The following CIDEC variants were observed in gnomAD, a reference collection of about 807,000 sequenced individuals.
CIDEC encodes the protein lipid transferase CIDEC.
A neutral mutation model predicts 21.9 loss-of-function variants in CIDEC; 11 were observed. The observed-to-expected ratio is 0.50, with a 90% CI of 0.32 to 0.83. The LOEUF (loss-of-function observed/expected upper bound fraction) is 0.83, where lower values mean the gene tolerates loss of function less well. Ranked by LOEUF, CIDEC falls within the 40% of genes least tolerant of loss-of-function variation. CIDEC has a pLI of 0.04. For missense variants in CIDEC, 302 were observed against 302.3 expected, an observed-to-expected ratio of 1.00 and a Z score of 0.01; for synonymous variants, 127 against 124.9, an observed-to-expected ratio of 1.02 and a Z score of -0.11.
At chr3:9,874,423 G>A (rs2082391873) in intron 4 of CIDEC, among the ~76,000 whole-genome samples, 3 of 151,876 alleles carry the variant, frequency 2.0e-5, no homozygotes, top group African/African-American at 7.3e-5. Context: ...GGCTGAGGTG[G>A]CAGGATCACT....
At chr3:9,878,897 G>T in intron 2 of CIDEC, 45 bp downstream of exon 2, 1 of 1,323,690 alleles carries the variant, frequency 7.6e-7, no homozygotes, top group Non-Finnish European at 1.0e-6. Flanking sequence ...ACGCTGGCAG[G>T]AGGTGAGTCA....
chr3:9,879,848 GT>G (rs2082481401), intron 1 of CIDEC, among the ~76,000 whole-genome samples: 3 of 152,146 alleles, frequency 2.0e-5, no homozygotes, highest in Non-Finnish European at 4.4e-5. Flanking sequence ...TAGCCCCTCA[GT>G]CCCTGGATGC....
At position 9,878,954 on chromosome 3, in the gene CIDEC, G is replaced by T; in HGVS notation, c.-38C>A. Reference sequence around the variant, plus strand: ...ACCGTTCCCTCACCTCTAGTCCAGAGACCTCACAGGCAGGCAGCCCAGTCA... The same window carrying T: ...ACCGTTCCCTCACCTCTAGTCCAGATACCTCACAGGCAGGCAGCCCAGTCA... On this transcript the variant is annotated 5_prime_UTR_variant, in exon 2 of 7. Coordinates refer to ENST00000336832, the MANE Select transcript of CIDEC (RefSeq NM_001321142.2). 1 of 763,632 alleles carries T rather than the reference G, an allele frequency of 1.3e-6. No individual in the cohort carries two copies. 47.3% of individuals were successfully genotyped at this position (763,632 alleles called of 1,614,324 possible). A position where few individuals can be genotyped will look rare whatever the true frequency, so the allele number is the denominator to read the frequency against.
At chr3:9,867,947 TAATA>T (rs1005783372) in intron 6 of CIDEC, among the ~76,000 whole-genome samples, 80 of 151,972 alleles carry the variant, frequency 5.3e-4, no homozygotes, top group Non-Finnish European at 1.5e-4. Flanking sequence ...AATAAATACA[TAATA>T]AATAAAAACA....
rs1486754702 is a variant in CIDEC, at chr3:9,878,415, T to G, written c.53+19A>C. 1 of 1,588,598 alleles carries G rather than the reference T, an allele frequency of 6.3e-7. No individual in the cohort carries two copies. The highest frequency in any genetic ancestry group is 1.3e-5 in the African/African-American group (1 of 74,466). The stretch of plus-strand genomic sequence containing the variant: ...CTCATAGGTGGCTCTCTTTCCATTC[T>G]GCCCATGACTTTCCTCACCTGGAGA... On this transcript the variant is annotated intron_variant, in intron 3 of 6. Transcript: ENST00000336832.
At chr3:9,876,761 A>C (rs1037901671) in intron 4 of CIDEC, among the ~76,000 whole-genome samples, 6 of 93,028 alleles carry the variant, frequency 6.4e-5, no homozygotes, top group African/African-American at 2.4e-4. Flanking sequence ...TCGTCTCAAA[A>C]AAAAAAAAAA....
At chr3:9,871,632 T>A (rs1333151378) in intron 4 of CIDEC, among the ~76,000 whole-genome samples, 1 of 152,006 alleles carries the variant, frequency 6.6e-6, no homozygotes, top group Non-Finnish European at 1.5e-5. Flanking sequence ...AATCCTTATT[T>A]TTTTTTCTTT....
chr3:9,872,249 C>G (rs887695281), intron 4 of CIDEC, among the ~76,000 whole-genome samples: 4 of 151,576 alleles, frequency 2.6e-5, no homozygotes, highest in Non-Finnish European at 5.9e-5. Context: ...TCATGACTCA[C>G]TGCAGTGTCA....
intron 4 of CIDEC, among the ~76,000 whole-genome samples, chr3:9,872,408 C>T (rs1029759973): frequency 1.3e-5 from 2 of 152,240 alleles, no homozygotes; most frequent in East Asian, 3.9e-4. Flanking sequence ...CTCCTGGGCT[C>T]AAGCGATCCG....
At chr3:9,869,295 G>T (rs766718984) in intron 6 of CIDEC, among the ~76,000 whole-genome samples, 1 of 151,618 alleles carries the variant, frequency 6.6e-6, no homozygotes, top group Non-Finnish European at 1.5e-5. Flanking sequence ...CTTTTGCCCA[G>T]GCTGGAGTGC....
rs148483268 is a variant in CIDEC, at chr3:9,869,936, T to C, written c.500A>G (p.Asp167Gly). The stretch of plus-strand genomic sequence containing the variant: ...CAGATCATAGGAAAGGGAGTATGTA[T>C]CATAAAAAGTCGCCTTCACGTTCAG... The part of the protein sequence containing the change: ...GCLNVKATFY[D>G]TYSLSYDLHC... Residue 167 changes from aspartate (D) to glycine (G), a missense_variant, in exon 6 of 7, where the codon GAT (aspartate) becomes GGT (glycine). Transcript: ENST00000336832. The C allele has an allele frequency of 3.1e-5, 50 of 1,613,972 alleles. No individual in the cohort carries two copies. The African/African-American group carries it at 6.0e-4, about 19-fold the overall frequency.
chr3:9,870,343 T>C (rs1179024559), intron 4 of CIDEC, 21 bp from the exon 5 acceptor site: 2 of 1,610,746 alleles, frequency 1.2e-6, no homozygotes, highest in African/African-American at 2.7e-5. Context: ...AGGTCAGTGA[T>C]GCTTCTGCCA....
intron 4 of CIDEC, among the ~76,000 whole-genome samples, chr3:9,872,114 T>C (rs984469061): frequency 1.3e-5 from 2 of 151,986 alleles, no homozygotes; most frequent in African/African-American, 4.8e-5. Context: ...CACCCAGCCA[T>C]ATATCCACTT....
rs142408226 is a variant in CIDEC, at chr3:9,867,204, G to A, written c.647C>T (p.Thr216Met). 2.7e-4 allele frequency: 430 copies of A among 1,614,028 alleles called. 2 individuals are homozygous for A. The East Asian group carries it at 2.7e-3, about 10-fold the overall frequency. Reference sequence around the variant, plus strand: ...GCCCTTGGGGGGCTGCCCTTCCTCCGTAGCATCGAGGAGCTGCTGCAGGTA... The same window carrying A: ...GCCCTTGGGGGGCTGCCCTTCCTCCATAGCATCGAGGAGCTGCTGCAGGTA... ...SCYLQQLLDA[T>M]EEGQPPKGKA... The change falls in exon 7 of 7, where the codon ACG becomes ATG. Residue 216 changes from threonine (T) to methionine (M), a missense_variant. Physicochemically the swap from Thr to Met is moderately conservative, Grantham distance 81. Transcript: ENST00000336832.
At chr3:9,874,166 A>T (rs1047365475) in intron 4 of CIDEC, among the ~76,000 whole-genome samples, 3 of 152,174 alleles carry the variant, frequency 2.0e-5, no homozygotes, top group Non-Finnish European at 2.9e-5. Context: ...ATCTGTTGCC[A>T]TTCATGTATG....
chr3:9,867,351 C>A, intron 6 of CIDEC, 55 bp from the exon 7 acceptor site: 8 of 1,587,902 alleles, frequency 5.0e-6, no homozygotes, highest in East Asian at 2.3e-5. Context: ...TCGGGCATGG[C>A]GTTCACGCCT....
intron 4 of CIDEC, among the ~76,000 whole-genome samples, chr3:9,874,696 GGT>G (rs2082396131): frequency 1.3e-5 from 2 of 151,954 alleles, no homozygotes; most frequent in Admixed American, 1.3e-4. Flanking sequence ...AAAACAGTAA[GGT>G]GACAAAAATT....
intron 2 of CIDEC, chr3:9,878,718 C>G (rs1258201277): frequency 6.5e-7 from 1 of 1,531,540 alleles, no homozygotes; most frequent in South Asian, 1.2e-5. Flanking sequence ...CCCCTCTCCC[C>G]ACCGGGTGCT....
rs1164369336 is a variant in CIDEC at position 9,877,162 on chromosome 3, G to A, written c.111C>T (p.Pro37=). The part of the protein sequence containing the change: ...VTQQLLSEPS[P]KAPRARPCRV... The stretch of plus-strand genomic sequence containing the variant: ...GGCAGGGCCGGGCCCTGGGGGCCTT[G>A]GGGCTGGGCTCCGACAGCAGCTGCT... The change falls in exon 4 of 7, where the codon CCC becomes CCT. Residue 37 remains proline, a synonymous_variant. Transcript: ENST00000336832. The A allele has an allele frequency of 3.2e-6, 5 of 1,551,524 alleles. No individual in the cohort carries two copies. Among genetic ancestry groups the A allele is most frequent in the Non-Finnish European group, 4.4e-6 (5 of 1,147,194 alleles).
Sources: gnomAD v4.1 joint callset for allele counts (sites outside exome capture counted in the v4.1 genomes callset) on GRCh38, gnomAD v4.1.1 for gene constraint, MANE v1.5 for transcripts, NCBI Gene and HGNC (gene_info 2026-07-23, HGNC 2026-07-21) for gene names.